DCUN1D5: variants seen among roughly 807,000 people sequenced by gnomAD.
DCUN1D5 encodes the protein defective in cullin neddylation 1 domain containing 5, also known as DCN1-like protein 5.
Under a neutral mutation model 38.3 loss-of-function variants are expected in DCUN1D5, and 10 were observed. The observed-to-expected ratio is 0.26, with a 90% CI of 0.16 to 0.44. The LOEUF is 0.44. Among genes scored for constraint, DCUN1D5 ranks in the 20% least tolerant of loss-of-function variants. The probability of loss-of-function intolerance (pLI) is 1.00; values close to 1 mark genes in which losing one functional copy is unlikely to be tolerated. For missense variants in DCUN1D5, 148 were observed against 275.3 expected, an observed-to-expected ratio of 0.54 and a Z score of 3.27; for synonymous variants, 93 against 90.9, an observed-to-expected ratio of 1.02 and a Z score of -0.13.
chr11:103,091,618 T>A lies in DCUN1D5; in HGVS notation c.86+169A>T. 8.2e-7 allele frequency: 1 copy of A among 1,218,690 alleles called. No individual in the cohort carries two copies. Among genetic ancestry groups the A allele is most frequent in the South Asian group, 1.3e-5 (1 of 76,598 alleles). The allele number at this position is 1,218,690 out of a possible 1,614,324, so 75.5% of individuals were successfully genotyped here. A position where few individuals can be genotyped will look rare whatever the true frequency, so the allele number is the denominator to read the frequency against. On this transcript the variant is annotated intron_variant, in intron 1 of 7. Coordinates refer to ENST00000260247, the MANE Select transcript of DCUN1D5 (RefSeq NM_032299.4). The surrounding 1 kb of genome is among the most constrained non-coding windows in gnomAD (Gnocchi z 4.3). ...AGCGTGCACACACTCGAACACGAGG[T>A]CGGGTCGGGCGCGGAGACTCGCGGT...
chr11:103,070,822 CAT>C (rs943685056), intron 4 of DCUN1D5, among the ~76,000 whole-genome samples: 20 of 152,158 alleles, frequency 1.3e-4, no homozygotes, highest in African/African-American at 4.8e-4. Flanking sequence ...AATCCGGAGA[CAT>C]AAACCCCTTA....
chr11:103,064,365 G>C lies in DCUN1D5; in HGVS notation c.568C>G (p.Arg190Gly). 6.3e-7 allele frequency: 1 copy of C among 1,592,612 alleles called. No homozygotes were observed. Among genetic ancestry groups the C allele is most frequent in the Non-Finnish European group, 8.5e-7 (1 of 1,169,816 alleles). ...FYQYLEQSKY[R>G]VMNKDQWYNV... ...TACCATTGATCTTTGTTCATAACAC[G>C]ATACTTTGATTGCTGCAAAAATGAT... Residue 190 changes from arginine to glycine, a missense_variant, in exon 7 of 8, where the codon CGT (arginine) becomes GGT (glycine). Coordinates refer to ENST00000260247, the MANE Select transcript of DCUN1D5 (RefSeq NM_032299.4). This position sits in a 1 kb window ranked among gnomAD's most constrained non-coding sequence, Gnocchi z 4.5.
intron 2 of DCUN1D5, among the ~76,000 whole-genome samples, chr11:103,084,914 G>T (rs528572645): frequency 6.6e-6 from 1 of 151,976 alleles, no homozygotes; most frequent in Non-Finnish European, 1.5e-5. Flanking sequence ...TTGAGCCCAG[G>T]AGTTTGAGGC....
Position 103,063,492 on chromosome 11 carries a change from A to C in DCUN1D5, c.658+783T>G, listed in dbSNP as rs17099884. On this transcript the variant is annotated intron_variant, in intron 7 of 7. Coordinates refer to ENST00000260247, the MANE Select transcript of DCUN1D5 (RefSeq NM_032299.4). This position sits in a 1 kb window ranked among gnomAD's most constrained non-coding sequence, Gnocchi z 4.6. ...AGAGAGAGGACAAAATATATGTGGG[A>C]AGAAATAAAGTTATCCCTTCTTCTG... Among the ~76,000 whole-genome samples, 3,679 of 152,180 alleles carry C rather than the reference A, an allele frequency of 0.024. 169 individuals carry two copies. Among genetic ancestry groups the C allele is most frequent in the African/African-American group, 0.084 (3,479 of 41,520 alleles).
In DCUN1D5 at chr11:103,064,764, A is replaced by C. The variant is rs1465691076; in HGVS notation, c.556-387T>G. Among the ~76,000 whole-genome samples, 1 of 152,192 alleles carries C rather than the reference A, an allele frequency of 6.6e-6. No individual in the cohort carries two copies. The highest frequency in any genetic ancestry group is 1.5e-5 in the Non-Finnish European group (1 of 68,024). ...AGATTTACTGTTTAGCCACATTTTGAGTTTGGCATCTTTGGAAACAAGTGA... is the reference window on the plus strand; with the variant it reads ...AGATTTACTGTTTAGCCACATTTTGCGTTTGGCATCTTTGGAAACAAGTGA... On this transcript the variant is annotated intron_variant, in intron 6 of 7. Transcript: ENST00000260247. This position sits in a 1 kb window ranked among gnomAD's most constrained non-coding sequence, Gnocchi z 4.5.
At position 103,056,232 on chromosome 11, in the gene DCUN1D5, T is replaced by C. The variant is rs763434715; in HGVS notation, c.*6127A>G. Among the ~76,000 whole-genome samples the C allele has an allele frequency of 9.2e-5, 14 of 152,234 alleles. No homozygotes were observed. Among genetic ancestry groups the C allele is most frequent in the Non-Finnish European group, 2.1e-4 (14 of 68,038 alleles). ...AAGTCCTACTCTTGAGAAAGGGCTA[T>C]AATGCCCTACGTAATTACCTACAAT... On this transcript the variant is annotated 3_prime_UTR_variant, in exon 8 of 8. Coordinates refer to ENST00000260247, the MANE Select transcript of DCUN1D5 (RefSeq NM_032299.4). The surrounding 1 kb of genome is among the most constrained non-coding windows in gnomAD (Gnocchi z 4.9).
Position 103,087,778 on chromosome 11 carries a change from A to C in DCUN1D5, c.178+1449T>G, listed in dbSNP as rs1862751994. ...TATTATGTTGGCTATTAAAAATGCTAATATAGTAAACAAATGTTTAATTAG... is the reference window on the plus strand; with the variant it reads ...TATTATGTTGGCTATTAAAAATGCTCATATAGTAAACAAATGTTTAATTAG... On this transcript the variant is annotated intron_variant, in intron 2 of 7. Transcript: ENST00000260247. This position sits in a 1 kb window ranked among gnomAD's most constrained non-coding sequence, Gnocchi z 4.1. 6.6e-6 allele frequency among the ~76,000 whole-genome samples: 1 copy of C among 152,226 alleles called. No homozygotes were observed. Among genetic ancestry groups the C allele is most frequent in the African/African-American group, 2.4e-5 (1 of 41,446 alleles).
At chr11:103,075,974 C>T (rs1269502855) in intron 4 of DCUN1D5, among the ~76,000 whole-genome samples, 1 of 152,046 alleles carries the variant, frequency 6.6e-6, no homozygotes, top group East Asian at 1.9e-4. Flanking sequence ...TGGGGATATG[C>T]AAAGCAAATT....
chr11:103,081,012 A>T (rs977419174), intron 4 of DCUN1D5, among the ~76,000 whole-genome samples: 2 of 152,180 alleles, frequency 1.3e-5, no homozygotes, highest in Non-Finnish European at 2.9e-5. Flanking sequence ...CGTCTAAAAA[A>T]AAAAAAAAAC....
At chr11:103,080,177 G>C (rs748844747) in intron 4 of DCUN1D5, among the ~76,000 whole-genome samples, 1 of 152,014 alleles carries the variant, frequency 6.6e-6, no homozygotes. Context: ...AGAGTTTTAT[G>C]GGTTAAAATT....
chr11:103,079,168 T>G (rs954226753), intron 4 of DCUN1D5, among the ~76,000 whole-genome samples: 1 of 152,154 alleles, frequency 6.6e-6, no homozygotes, highest in African/African-American at 2.4e-5. Flanking sequence ...CTTATGAGAA[T>G]CTAATGCCTG....
At position 103,066,594 on chromosome 11, in the gene DCUN1D5, T is replaced by C; in HGVS notation, c.342-27A>G. ...TTAAATAAAAGAAATATCAAACAAA[T>C]TACATAATCAAGAAAATCAAATAAA... On this transcript the variant is annotated intron_variant, in intron 4 of 7. Coordinates refer to ENST00000260247, the MANE Select transcript of DCUN1D5 (RefSeq NM_032299.4). The surrounding 1 kb of genome is among the most constrained non-coding windows in gnomAD (Gnocchi z 4.7). The C allele has an allele frequency of 7.2e-7, 1 of 1,397,004 alleles. No homozygotes were observed. Among genetic ancestry groups the C allele is most frequent in the Admixed American group, 1.8e-5 (1 of 56,824 alleles). 86.5% of individuals were successfully genotyped at this position (1,397,004 alleles called of 1,614,324 possible).
In DCUN1D5 at chr11:103,082,329, C is replaced by T. The variant is rs1862586361; in HGVS notation, c.341+419G>A. ...TAAAAGGGTTATGTAACTCTATCTT[C>T]AAATTTTTAAAGTCAAATATTAAAG... is the stretch of plus-strand genomic sequence containing the variant. On this transcript the variant is annotated intron_variant, in intron 4 of 7. Coordinates refer to ENST00000260247, the MANE Select transcript of DCUN1D5 (RefSeq NM_032299.4). Among the ~76,000 whole-genome samples, 5 of 152,058 alleles carry T rather than the reference C, an allele frequency of 3.3e-5. 1 individual carries two copies. In the South Asian group the frequency reaches 1.0e-3, roughly 32 times the overall value.
In DCUN1D5 at chr11:103,091,923, T is replaced by C. The variant is rs1862883020; in HGVS notation, c.-51A>G. 6.5e-7 allele frequency: 1 copy of C among 1,541,152 alleles called. No homozygotes were observed. The highest frequency in any genetic ancestry group is 8.8e-7 in the Non-Finnish European group (1 of 1,131,368). ...CAGGGGAGCCGGGGAAGGGGGTCCC[T>C]GTCCGCTGGAAGCCCCTCAGCGCTG... is the stretch of plus-strand genomic sequence containing the variant. On this transcript the variant is annotated 5_prime_UTR_variant, in exon 1 of 8. Coordinates refer to ENST00000260247, the MANE Select transcript of DCUN1D5 (RefSeq NM_032299.4). This position sits in a 1 kb window ranked among gnomAD's most constrained non-coding sequence, Gnocchi z 4.3.
At chr11:103,090,572 A>T (rs1862832909) in intron 1 of DCUN1D5, among the ~76,000 whole-genome samples, 2 of 152,348 alleles carry the variant, frequency 1.3e-5, no homozygotes, top group African/African-American at 2.4e-5. Flanking sequence ...TGTCATATCA[A>T]GTGCCAACCA....
Position 103,091,523 on chromosome 11 carries a change from T to G in DCUN1D5, c.86+264A>C. On this transcript the variant is annotated intron_variant, in intron 1 of 7. Transcript: ENST00000260247. This position sits in a 1 kb window ranked among gnomAD's most constrained non-coding sequence, Gnocchi z 4.3. ...GGGGGAAGCGCAATTTACATATGCA[T>G]CTGTTCCCCACCCTGCAGGGCACGT... is the stretch of plus-strand genomic sequence containing the variant. 1 of 460,484 alleles carries G rather than the reference T, an allele frequency of 2.2e-6. No individual in the cohort carries two copies. Among genetic ancestry groups the G allele is most frequent in the Middle Eastern group, 6.2e-4 (1 of 1,606 alleles). 28.5% of individuals were successfully genotyped at this position (460,484 alleles called of 1,614,324 possible). A position where few individuals can be genotyped will look rare whatever the true frequency, so the allele number is the denominator to read the frequency against.
Position 103,091,677 on chromosome 11 carries a change from G to T in DCUN1D5, c.86+110C>A. On this transcript the variant is annotated intron_variant, in intron 1 of 7. Transcript: ENST00000260247. The surrounding 1 kb of genome is among the most constrained non-coding windows in gnomAD (Gnocchi z 4.3). ...CCTACAGCCTAGCTCGATCAAAGGG[G>T]CCTCACCTGTCTCCAGCCCCAGCCC... 6.3e-7 allele frequency: 1 copy of T among 1,598,628 alleles called. No individual in the cohort carries two copies. The highest frequency in any genetic ancestry group is 8.5e-7 in the Non-Finnish European group (1 of 1,172,546).
Position 103,062,675 on chromosome 11 carries a change from A to G in DCUN1D5, c.659-261T>C, listed in dbSNP as rs1326623874. ...TGAACCCTCCAGTAACTGAGTCAAT[A>G]CAAATCTCTCCCTTTTTCTAAGTGT... is the stretch of plus-strand genomic sequence containing the variant. On this transcript the variant is annotated intron_variant, in intron 7 of 7. Transcript: ENST00000260247. The surrounding 1 kb of genome is among the most constrained non-coding windows in gnomAD (Gnocchi z 4.6). Among the ~76,000 whole-genome samples, 1 of 152,120 alleles carries G rather than the reference A, an allele frequency of 6.6e-6. No individual in the cohort carries two copies. The highest frequency in any genetic ancestry group is 1.5e-5 in the Non-Finnish European group (1 of 67,990).
intron 4 of DCUN1D5, among the ~76,000 whole-genome samples, chr11:103,072,828 G>A (rs940281317): frequency 6.6e-6 from 1 of 152,220 alleles, no homozygotes; most frequent in Admixed American, 6.5e-5. Context: ...GCTAACGGGT[G>A]CAGCACCAAC....
Sources: gnomAD v4.1 joint callset for allele counts (sites outside exome capture counted in the v4.1 genomes callset) on GRCh38, gnomAD v4.1.1 for gene constraint, Gnocchi (gnomAD v3.1) non-coding constraint, MANE v1.5 for transcripts, NCBI Gene and HGNC (gene_info 2026-07-23, HGNC 2026-07-21) for gene names.